Variants in CARM1 observed in about 807,000 individuals in gnomAD.
The protein encoded by CARM1 is histone-arginine methyltransferase CARM1.
In CARM1, 14 loss-of-function variants were observed where a neutral mutation model predicts 72.7. The observed-to-expected ratio is 0.19, with a 90% confidence interval of 0.13 to 0.30. The LOEUF (loss-of-function observed/expected upper bound fraction) is 0.30. Among genes scored for constraint, CARM1 ranks in the 10% least tolerant of loss-of-function variants. CARM1 has a pLI of 1.00. For missense variants in CARM1, 432 were observed against 833.7 expected (o/e 0.52, Z 5.93); for synonymous variants, 333 against 345.5 (o/e 0.96, Z 0.40).
At chr19:10,881,793 C>T (rs77011416) in intron 1 of CARM1, among the ~76,000 whole-genome samples, 2,424 of 152,270 alleles carry the variant, frequency 0.016, 33 homozygotes, top group Middle Eastern at 0.024. Context: ...AGCTCCCATC[C>T]AGCCAGCTTG....
At position 10,915,988 on chromosome 19, in the gene CARM1, G is replaced by A. The variant is rs910187493; in HGVS notation, c.848-419G>A. 5.3e-5 allele frequency among the ~76,000 whole-genome samples: 8 copies of A among 152,168 alleles called. No individual in the cohort carries two copies. Among genetic ancestry groups the A allele is most frequent in the Admixed American group, 1.3e-4 (2 of 15,278 alleles). On this transcript the variant is annotated intron_variant, in intron 6 of 15. Transcript: ENST00000327064. This position sits in a 1 kb window ranked among gnomAD's most constrained non-coding sequence, Gnocchi z 4.6. ...GTCCCCAGCGGCGTTGGGGTAGCCC[G>A]GGGCCCACCACCCTCCCTCTGTCCA...
At chr19:10,873,918 C>T (rs1485607670) in intron 1 of CARM1, among the ~76,000 whole-genome samples, 2 of 152,056 alleles carry the variant, frequency 1.3e-5, no homozygotes, top group African/African-American at 4.8e-5. Flanking sequence ...GGATTACAGG[C>T]ATGAGCCACC....
chr19:10,888,443 C>T (rs1340980859), intron 1 of CARM1, among the ~76,000 whole-genome samples: 1 of 152,168 alleles, frequency 6.6e-6, no homozygotes, highest in Non-Finnish European at 1.5e-5. Context: ...GGACTAAGGT[C>T]GACCTGGAGG....
Position 10,885,888 on chromosome 19 carries a change from ATTTTTT to A in CARM1, c.220+13987_220+13992del, listed in dbSNP as rs766173367. On this transcript the variant is annotated intron_variant, in intron 1 of 15. Transcript: ENST00000327064. ...CACAGCAGCCACAGCTCACTCCCTCATTTTTTTTTTTTTTTTTTTTTTTTTTGAGAC... is the reference window on the plus strand; with the variant it reads ...CACAGCAGCCACAGCTCACTCCCTCATTTTTTTTTTTTTTTTTTTTGAGAC... Among the ~76,000 whole-genome samples, 5 of 78,780 alleles carry A rather than the reference ATTTTTT, an allele frequency of 6.3e-5. No homozygotes were observed. The Admixed American group carries it at 6.4e-4, about 10-fold the overall frequency. The allele number at this position is 78,780 out of a possible 152,430, so 51.7% of individuals were successfully genotyped here.
In CARM1 at chr19:10,880,338, C is replaced by T. The variant is rs572411297; in HGVS notation, c.220+8416C>T. Among the ~76,000 whole-genome samples, 3 of 152,028 alleles carry T rather than the reference C, an allele frequency of 2.0e-5. No homozygotes were observed. The East Asian group carries it at 5.8e-4, about 29-fold the overall frequency. On this transcript the variant is annotated intron_variant, in intron 1 of 15. Transcript: ENST00000327064. Reference sequence around the variant, plus strand: ...TTCCATCAGTTCCATCAGCTCAGAGCTAGGATTTTTTTTTCTTCTTTTTTT... The same window carrying T: ...TTCCATCAGTTCCATCAGCTCAGAGTTAGGATTTTTTTTTCTTCTTTTTTT...
At position 10,916,632 on chromosome 19, in the gene CARM1, A is replaced by G. The variant is rs2074198887; in HGVS notation, c.939-64A>G. On this transcript the variant is annotated intron_variant, in intron 7 of 15. Coordinates refer to ENST00000327064, the MANE Select transcript of CARM1 (RefSeq NM_199141.2). This position sits in a 1 kb window ranked among gnomAD's most constrained non-coding sequence, Gnocchi z 4.4. ...ATGAGGGCTGACTGGGAGAGAAGGC[A>G]GGGCTACCCCACCTGCCTCTTCTGC... 6.9e-7 allele frequency: 1 copy of G among 1,456,348 alleles called. No individual in the cohort carries two copies. Among genetic ancestry groups the G allele is most frequent in the East Asian group, 2.4e-5 (1 of 41,192 alleles). 90.2% of individuals were successfully genotyped at this position (1,456,348 alleles called of 1,614,324 possible).
At chr19:10,872,051 C>A in intron 1 of CARM1, 129 bp downstream of exon 1, 2 of 796,044 alleles carry the variant, frequency 2.5e-6, no homozygotes, top group Non-Finnish European at 1.6e-6. Flanking sequence ...GAGCCGGTGG[C>A]CTGCAGGGAG....
Position 10,920,979 on chromosome 19 carries a change from C to T in CARM1, c.1537+33C>T, listed in dbSNP as rs369015738. 9.2e-4 allele frequency: 1,482 copies of T among 1,612,944 alleles called. 2 individuals are homozygous for T. Among genetic ancestry groups the T allele is most frequent in the Non-Finnish European group, 1.2e-3 (1,414 of 1,178,966 alleles). On this transcript the variant is annotated intron_variant, in intron 13 of 15. Transcript: ENST00000327064. This position sits in a 1 kb window ranked among gnomAD's most constrained non-coding sequence, Gnocchi z 5.3. The stretch of plus-strand genomic sequence containing the variant: ...GGGCCCACCCCAATGCCCAGCCAAC[C>T]CGGGAGGCCGCCCTCGCCGCAGGCC...
At chr19:10,875,671 A>G (rs946379398) in intron 1 of CARM1, among the ~76,000 whole-genome samples, 9 of 151,634 alleles carry the variant, frequency 5.9e-5, no homozygotes, top group Non-Finnish European at 7.4e-5. Context: ...TGATCTGCCC[A>G]CCTTGGCCTC....
intron 1 of CARM1, among the ~76,000 whole-genome samples, chr19:10,889,805 A>T (rs762006778): frequency 2.8e-4 from 43 of 152,152 alleles, no homozygotes; most frequent in Non-Finnish European, 4.6e-4. Context: ...TTTTGAAGGA[A>T]TGAAGACGAA....
rs2073814257 is a variant in CARM1, at chr19:10,871,601, G to GGCGGCGGCGGCGGCGGCGGCGGCT, written c.-79_-78insTGCGGCGGCGGCGGCGGCGGCGGC. 9.6e-6 allele frequency: 1 copy of GGCGGCGGCGGCGGCGGCGGCGGCT among 104,312 alleles called. No homozygotes were observed. The highest frequency in any genetic ancestry group is 2.0e-5 in the Non-Finnish European group (1 of 50,446). 6.5% of individuals were successfully genotyped at this position (104,312 alleles called of 1,614,324 possible). Reference sequence around the variant, plus strand: ...CGGCGGTAGCGGCAGCGGCGGCGGCGGCGGCGGCGGCGGCGGCGGCGGCGG... The same window carrying GGCGGCGGCGGCGGCGGCGGCGGCT: ...CGGCGGTAGCGGCAGCGGCGGCGGCGGCGGCGGCGGCGGCGGCGGCGGCTGCGGCGGCGGCGGCGGCGGCGGCGG... On this transcript the variant is annotated 5_prime_UTR_variant, in exon 1 of 16. Coordinates refer to ENST00000327064, the MANE Select transcript of CARM1 (RefSeq NM_199141.2). The surrounding 1 kb of genome is among the most constrained non-coding windows in gnomAD (Gnocchi z 5.6).
intron 2 of CARM1, 142 bp downstream of exon 2, chr19:10,905,218 C>A: frequency 8.1e-6 from 8 of 992,864 alleles, no homozygotes; most frequent in Non-Finnish European, 1.2e-5. Flanking sequence ...TTCCCACATG[C>A]AGGTATGCCC....
chr19:10,884,338 T>C (rs1159750470), intron 1 of CARM1, among the ~76,000 whole-genome samples: 1 of 146,852 alleles, frequency 6.8e-6, no homozygotes, highest in East Asian at 2.0e-4. Flanking sequence ...CAAAACTCCG[T>C]CTCAAAAAAA....
intron 1 of CARM1, among the ~76,000 whole-genome samples, chr19:10,895,710 G>A (rs541730732): frequency 1.3e-5 from 2 of 152,314 alleles, no homozygotes; most frequent in Admixed American, 1.3e-4. Flanking sequence ...CCCCTATCCC[G>A]GGGAGGGCAT....
intron 1 of CARM1, among the ~76,000 whole-genome samples, chr19:10,893,379 C>T (rs1366438309): frequency 1.3e-5 from 2 of 151,422 alleles, no homozygotes; most frequent in African/African-American, 2.4e-5. Flanking sequence ...TACTCTCTCC[C>T]CCAGGTTGGA....
At chr19:10,888,038 C>G (rs1413632978) in intron 1 of CARM1, among the ~76,000 whole-genome samples, 1 of 152,210 alleles carries the variant, frequency 6.6e-6, no homozygotes, top group Non-Finnish European at 1.5e-5. Context: ...GTCTTCTTGC[C>G]GCTCCATGAC....
chr19:10,878,917 C>T (rs562979740), intron 1 of CARM1, among the ~76,000 whole-genome samples: 4 of 152,158 alleles, frequency 2.6e-5, no homozygotes, highest in African/African-American at 9.6e-5. Flanking sequence ...AGCGATTCTC[C>T]TGCCTCAGCC....
At chr19:10,901,589 T>A (rs917947118) in intron 1 of CARM1, among the ~76,000 whole-genome samples, 2 of 152,214 alleles carry the variant, frequency 1.3e-5, no homozygotes, top group Non-Finnish European at 2.9e-5. Flanking sequence ...CCTCCCAAAG[T>A]GCTGGGATTA....
chr19:10,902,403 C>T (rs183708294), intron 1 of CARM1, among the ~76,000 whole-genome samples: 1 of 149,306 alleles, frequency 6.7e-6, no homozygotes, highest in Admixed American at 6.8e-5. Context: ...ACACCATTCT[C>T]CTGCCTCAGC....
Sources: allele counts gnomAD v4.1 joint callset (sites outside exome capture counted in the v4.1 genomes callset), GRCh38; gene constraint gnomAD v4.1.1; non-coding constraint Gnocchi (gnomAD v3.1); transcripts MANE v1.5; gene names NCBI Gene and HGNC (gene_info 2026-07-23, HGNC 2026-07-21).